Variants in MROH1 observed in about 807,000 individuals in gnomAD.
The protein encoded by MROH1 is maestro heat like repeat family member 1.
In MROH1, 117 loss-of-function variants were observed where a neutral mutation model predicts 116.5. That is an observed-to-expected ratio of 1.00 (90% CI 0.86 to 1.17). The LOEUF (loss-of-function observed/expected upper bound fraction) is 1.17, where lower values mean the gene tolerates loss of function less well. MROH1 is among the 50% of genes most tolerant of loss of function. The pLI, the probability that MROH1 is intolerant of heterozygous loss-of-function variation, is 0.00. For missense variants in MROH1, 1,873 were observed against 1,338.5 expected, an observed-to-expected ratio of 1.40 and a Z score of -6.23; for synonymous variants, 921 against 583.9, an observed-to-expected ratio of 1.58 and a Z score of -8.32.
In MROH1 at chr8:144,220,633, T is replaced by C. The variant is rs1340845179; in HGVS notation, c.1175T>C (p.Leu392Pro). Residue 392 changes from leucine to proline, a missense_variant, in exon 13 of 44, where the codon CTG becomes CCG. Physicochemically the swap from Leu to Pro is moderately conservative, Grantham distance 98. Transcript: ENST00000326134. The stretch of plus-strand genomic sequence containing the variant: ...ATGGAAGATAAAAAGCCCTTTATCC[T>C]GTCTTCCATGAGGCTTCCTCTCCTG... ...AQMEDKKPFILSSMRLPLLDT... is the reference protein window; with the variant it reads ...AQMEDKKPFIPSSMRLPLLDT... The C allele has an allele frequency of 3.8e-6, 6 of 1,579,622 alleles. No individual in the cohort carries two copies. The East Asian group carries it at 1.4e-4, about 36-fold the overall frequency.
Position 144,163,926 on chromosome 8 carries a change from T to C in MROH1, c.22+78T>C. 2 of 1,509,996 alleles carry C rather than the reference T, an allele frequency of 1.3e-6. No homozygotes were observed. Among genetic ancestry groups the C allele is most frequent in the East Asian group, 4.5e-5 (2 of 44,174 alleles). The allele number at this position is 1,509,996 out of a possible 1,614,324, so 93.5% of individuals were successfully genotyped here. ...GGTGGTCAGGGCAGGCCAAGGCTCT[T>C]ACCAGCTCCAATGGTGCCTAGAGTT... On this transcript the variant is annotated intron_variant, in intron 3 of 43. Transcript: ENST00000326134. This position sits in a 1 kb window ranked among gnomAD's most constrained non-coding sequence, Gnocchi z 4.4.
chr8:144,257,055 G>GCTGGC (rs1240785564), intron 35 of MROH1, among the ~76,000 whole-genome samples: 55 of 152,182 alleles, frequency 3.6e-4, no homozygotes, highest in Non-Finnish European at 5.3e-4. Context: ...TCCGCCTGCG[G>GCTGGC]CTGGCCTGGC....
Position 144,256,440 on chromosome 8 carries a change from C to T in MROH1, c.3791+735C>T, listed in dbSNP as rs1016231155. ...GGCCAGGACACACCAGGGGGACAGCCGCACTTCAGCCCCCTCCCCCTGCCC... is the reference window on the plus strand; with the variant it reads ...GGCCAGGACACACCAGGGGGACAGCTGCACTTCAGCCCCCTCCCCCTGCCC... On this transcript the variant is annotated intron_variant, in intron 35 of 43. Transcript: ENST00000326134. Among the ~76,000 whole-genome samples, 10 of 148,266 alleles carry T rather than the reference C, an allele frequency of 6.7e-5. No homozygotes were observed. In the East Asian group the frequency reaches 1.4e-3, roughly 20 times the overall value.
At chr8:144,150,727 C>T (rs945611757) in intron 1 of MROH1, among the ~76,000 whole-genome samples, 1 of 152,162 alleles carries the variant, frequency 6.6e-6, no homozygotes, top group African/African-American at 2.4e-5. Flanking sequence ...ACTGGCTCTG[C>T]CACTGAGCCC....
At chr8:144,176,082 G>A (rs776463292) in intron 4 of MROH1, among the ~76,000 whole-genome samples, 4 of 151,712 alleles carry the variant, frequency 2.6e-5, no homozygotes, top group Non-Finnish European at 5.9e-5. Flanking sequence ...ACTATCGAGG[G>A]CTGGGTGCAG....
At chr8:144,174,643 G>A (rs775550976) in intron 4 of MROH1, among the ~76,000 whole-genome samples, 1 of 151,952 alleles carries the variant, frequency 6.6e-6, no homozygotes, top group Non-Finnish European at 1.5e-5. Flanking sequence ...CACCACACCT[G>A]GCTAATTGTT....
rs566328475 is a variant in MROH1, at chr8:144,179,702, G to T, written c.300+116G>T. ...TATAGGGTGGTGTTTGGCTGCCTTG[G>T]GCTGGCAGATGCCCTTCGGTCTCAT... On this transcript the variant is annotated intron_variant, in intron 5 of 43. Coordinates refer to ENST00000326134, the MANE Select transcript of MROH1 (RefSeq NM_032450.3). 4.4e-6 allele frequency: 6 copies of T among 1,356,572 alleles called. No individual in the cohort carries two copies. The South Asian group carries it at 6.9e-5, about 16-fold the overall frequency. The allele number at this position is 1,356,572 out of a possible 1,614,324, so 84.0% of individuals were successfully genotyped here. A position where few individuals can be genotyped will look rare whatever the true frequency, so the allele number is the denominator to read the frequency against.
intron 36 of MROH1, 118 bp downstream of exon 36, chr8:144,259,032 C>T (rs1380263141): frequency 1.6e-6 from 1 of 642,704 alleles, no homozygotes; most frequent in Non-Finnish European, 2.8e-6. Context: ...GTGCCCTGGG[C>T]TCCTGCCTGT....
At chr8:144,259,375 A>G (rs1844536071) in intron 37 of MROH1, 21 bp downstream of exon 37, 1 of 714,806 alleles carries the variant, frequency 1.4e-6, no homozygotes, top group Non-Finnish European at 2.6e-6. Flanking sequence ...CCAGGGACGG[A>G]TGCTGGGCAC....
At chr8:144,242,553 G>C in intron 23 of MROH1, 38 bp downstream of exon 23, 1 of 780,422 alleles carries the variant, frequency 1.3e-6, no homozygotes, top group South Asian at 1.3e-5. Context: ...AGGGGAGCTG[G>C]GGCTGCCGGG....
intron 1 of MROH1, among the ~76,000 whole-genome samples, chr8:144,153,243 C>A (rs2130557186): frequency 6.6e-6 from 1 of 152,012 alleles, no homozygotes; most frequent in East Asian, 1.9e-4. Flanking sequence ...GTTGCCCAGG[C>A]TGAAGTGTAA....
In MROH1 at chr8:144,239,631, C is replaced by G. The variant is rs1478454053; in HGVS notation, c.1650C>G (p.Pro550=). The G allele has an allele frequency of 2.6e-5, 20 of 771,710 alleles. No homozygotes were observed. In the Middle Eastern group the frequency reaches 9.0e-4, roughly 35 times the overall value. The allele number at this position is 771,710 out of a possible 1,614,324, so 47.8% of individuals were successfully genotyped here. Residue 550 remains proline (P), a synonymous_variant, in exon 18 of 44, where the codon CCC becomes CCG. Coordinates refer to ENST00000326134, the MANE Select transcript of MROH1 (RefSeq NM_032450.3). ...CTTTTCAGGTTGTGTCTTCCAGCCC[C>G]TACCTAGGGGACGGACGTGGGGCAG... The part of the protein sequence containing the change: ...TGRLLVVSSS[P]YLGDGRGAAA...
chr8:144,150,974 G>A (rs1363966239), intron 1 of MROH1, among the ~76,000 whole-genome samples: 8 of 152,160 alleles, frequency 5.3e-5, no homozygotes, highest in East Asian at 1.9e-4. Context: ...CAGGCCAGGC[G>A]TGATGGCTCA....
intron 12 of MROH1, among the ~76,000 whole-genome samples, chr8:144,206,761 G>A (rs1466247336): frequency 6.6e-6 from 1 of 151,044 alleles, no homozygotes; most frequent in African/African-American, 2.4e-5. Context: ...TGCCAGACAC[G>A]GTGGCTCACG....
chr8:144,176,617 G>A (rs1279642991), intron 4 of MROH1, among the ~76,000 whole-genome samples: 2 of 151,164 alleles, frequency 1.3e-5, no homozygotes, highest in Admixed American at 6.6e-5. Flanking sequence ...TGAGGCAAGC[G>A]GATCACAAGG....
At position 144,239,376 on chromosome 8, in the gene MROH1, C is replaced by A. The variant is rs915448011; in HGVS notation, c.1632+13C>A. ...CGGAAGACTGTTGGTGAGCCTCGCC[C>A]TTTCACAGCGTGCCCAGCGCCCCAC... is the stretch of plus-strand genomic sequence containing the variant. On this transcript the variant is annotated intron_variant, in intron 17 of 43. Coordinates refer to ENST00000326134, the MANE Select transcript of MROH1 (RefSeq NM_032450.3). 6.5e-5 allele frequency: 51 copies of A among 780,472 alleles called. No individual in the cohort carries two copies. Among genetic ancestry groups the A allele is most frequent in the South Asian group, 5.0e-4 (37 of 74,614 alleles). The allele number at this position is 780,472 out of a possible 1,614,324, so 48.3% of individuals were successfully genotyped here. A position where few individuals can be genotyped will look rare whatever the true frequency, so the allele number is the denominator to read the frequency against.
intron 12 of MROH1, among the ~76,000 whole-genome samples, chr8:144,202,344 G>A (rs1343864931): frequency 6.6e-6 from 1 of 150,838 alleles, no homozygotes; most frequent in Non-Finnish European, 1.5e-5. Context: ...AGGGAGGGAA[G>A]TGTCCCCTCT....
In MROH1 at chr8:144,253,556, C is replaced by T. The variant is rs977509420; in HGVS notation, c.3429-1257C>T. 2.0e-4 allele frequency among the ~76,000 whole-genome samples: 30 copies of T among 152,298 alleles called. No individual in the cohort carries two copies. In the South Asian group the frequency reaches 5.2e-3, roughly 26 times the overall value. ...CCTGGCGCCTCAGCGACGGCCACCG[C>T]GTCCTTGCTGGCGCGTGCTGTGTGC... On this transcript the variant is annotated intron_variant, in intron 33 of 43. Coordinates refer to ENST00000326134, the MANE Select transcript of MROH1 (RefSeq NM_032450.3).
rs895334158 is a variant in MROH1, at chr8:144,244,502, G to A, written c.2729G>A (p.Arg910Gln). The A allele has an allele frequency of 2.0e-4, 153 of 773,930 alleles. 3 individuals carry two copies. The highest frequency in any genetic ancestry group is 1.3e-3 in the South Asian group (92 of 72,992). 47.9% of individuals were successfully genotyped at this position (773,930 alleles called of 1,614,324 possible). A position where few individuals can be genotyped will look rare whatever the true frequency, so the allele number is the denominator to read the frequency against. Residue 910 changes from arginine (R) to glutamine (Q), a missense_variant, in exon 28 of 44, where the codon CGG (arginine) becomes CAG (glutamine). By Grantham distance (43) the Arg-to-Gln change is conservative. Transcript: ENST00000326134. ...GATCTGCTGACGAGCCTCCTGCAGC[G>A]GAACATGACCCCCCAAGGCCTGCAG... Reference protein sequence around the residue: ...LEDLLTSLLQRNMTPQGLQIM... With the variant: ...LEDLLTSLLQQNMTPQGLQIM...
Sources: gnomAD v4.1 joint callset for allele counts (sites outside exome capture counted in the v4.1 genomes callset) on GRCh38, gnomAD v4.1.1 for gene constraint, Gnocchi (gnomAD v3.1) non-coding constraint, MANE v1.5 for transcripts, NCBI Gene and HGNC (gene_info 2026-07-23, HGNC 2026-07-21) for gene names.